Variants in CAMK2D observed in about 807,000 individuals in gnomAD.
CAMK2D encodes the protein calcium/calmodulin-dependent protein kinase type II subunit delta.
CAMK2D carries 37 observed loss-of-function variants against 84.0 expected under a neutral mutation model. That is an observed-to-expected ratio of 0.44 (90% confidence interval 0.34 to 0.58). CAMK2D has a LOEUF of 0.58. CAMK2D is among the 20% of genes least tolerant of loss of function. The pLI is 0.02. For synonymous variants in CAMK2D, 202 were observed against 212.5 expected (o/e 0.95, Z 0.43); for missense variants, 448 against 652.5 (o/e 0.69, Z 3.41).
chr4:113,707,489 G>T (rs2154352331), intron 2 of CAMK2D, among the ~76,000 whole-genome samples: 1 of 152,208 alleles, frequency 6.6e-6, no homozygotes, highest in Non-Finnish European at 1.5e-5. Flanking sequence ...TCAAGGCAAT[G>T]ACATATTTGG....
intron 2 of CAMK2D, among the ~76,000 whole-genome samples, chr4:113,743,095 G>A (rs1416718738): frequency 5.9e-5 from 9 of 152,100 alleles, no homozygotes; most frequent in African/African-American, 1.7e-4. Context: ...CATTCTGGCC[G>A]TTATTCCTAG....
At chr4:113,648,667 G>A (rs534539127) in intron 3 of CAMK2D, among the ~76,000 whole-genome samples, 2 of 152,310 alleles carry the variant, frequency 1.3e-5, no homozygotes, top group South Asian at 2.1e-4. Flanking sequence ...TGCTACAGAC[G>A]TTATGTTGCT....
At chr4:113,680,162 T>C (rs74688334) in intron 2 of CAMK2D, among the ~76,000 whole-genome samples, 1 of 152,192 alleles carries the variant, frequency 6.6e-6, no homozygotes, top group Non-Finnish European at 1.5e-5. Context: ...TTGTCATTGT[T>C]CAGATTCTAT....
At chr4:113,561,723 T>C (rs2098699660) in intron 4 of CAMK2D, among the ~76,000 whole-genome samples, 1 of 152,234 alleles carries the variant, frequency 6.6e-6, no homozygotes, top group Admixed American at 6.5e-5. Flanking sequence ...GAGATAGTAA[T>C]ACCATTTTTT....
chr4:113,539,630 G>T (rs17592337), intron 6 of CAMK2D, among the ~76,000 whole-genome samples: 9,315 of 152,174 alleles, frequency 0.061, 592 homozygotes, highest in East Asian at 0.21. Flanking sequence ...AACTAACGAA[G>T]ACCTCACTGT....
At chr4:113,558,199 T>G (rs747426130) in intron 4 of CAMK2D, among the ~76,000 whole-genome samples, 1 of 152,230 alleles carries the variant, frequency 6.6e-6, no homozygotes, top group Non-Finnish European at 1.5e-5. Flanking sequence ...ATACAAAAGT[T>G]CAGTTTTCAT....
intron 6 of CAMK2D, among the ~76,000 whole-genome samples, chr4:113,542,754 C>T (rs1463059004): frequency 6.6e-6 from 1 of 152,128 alleles, no homozygotes; most frequent in African/African-American, 2.4e-5. Context: ...TCTCATCTCC[C>T]CCCTTCCCTG....
At chr4:113,558,915 G>C (rs1319594976) in intron 4 of CAMK2D, among the ~76,000 whole-genome samples, 1 of 152,128 alleles carries the variant, frequency 6.6e-6, no homozygotes, top group East Asian at 1.9e-4. Flanking sequence ...CTGCGAGGCT[G>C]AGGCTGCAGA....
At chr4:113,621,793 G>T (rs1016943135) in intron 3 of CAMK2D, among the ~76,000 whole-genome samples, 2 of 152,108 alleles carry the variant, frequency 1.3e-5, no homozygotes, top group Admixed American at 1.3e-4. Flanking sequence ...CTGCATTCTG[G>T]ATTATTGGCT....
intron 16 of CAMK2D, among the ~76,000 whole-genome samples, chr4:113,488,197 A>G (rs937434048): frequency 4.6e-5 from 7 of 152,198 alleles, no homozygotes; most frequent in Admixed American, 4.6e-4. Flanking sequence ...GGAAAAAAAT[A>G]GATACATGAA....
intron 3 of CAMK2D, among the ~76,000 whole-genome samples, chr4:113,637,890 A>G (rs2099116212): frequency 6.6e-6 from 1 of 152,154 alleles, no homozygotes. Context: ...ATAAATACTA[A>G]ATCTTTATAC....
chr4:113,736,229 A>T (rs1046625192), intron 2 of CAMK2D, among the ~76,000 whole-genome samples: 2 of 151,884 alleles, frequency 1.3e-5, no homozygotes, highest in Non-Finnish European at 2.9e-5. Flanking sequence ...CAAGACATCC[A>T]ACTTACTCCA....
chr4:113,713,644 A>G (rs1022724252), intron 2 of CAMK2D, among the ~76,000 whole-genome samples: 1 of 150,922 alleles, frequency 6.6e-6, no homozygotes, highest in East Asian at 1.9e-4. Flanking sequence ...AACATTACTC[A>G]TATCATTGAA....
chr4:113,553,898 C>T (rs1447337380), intron 4 of CAMK2D, among the ~76,000 whole-genome samples: 5 of 152,148 alleles, frequency 3.3e-5, no homozygotes, highest in African/African-American at 4.8e-5. Flanking sequence ...TGTATAGTGA[C>T]GATAACAATT....
chr4:113,483,446 C>T (rs955103926), intron 16 of CAMK2D, among the ~76,000 whole-genome samples: 24 of 151,370 alleles, frequency 1.6e-4, no homozygotes, highest in East Asian at 1.9e-4. Flanking sequence ...GCTTTTGTCG[C>T]GCAGGCTGGA....
intron 7 of CAMK2D, among the ~76,000 whole-genome samples, chr4:113,531,740 C>T (rs936649220): frequency 4.6e-5 from 7 of 152,064 alleles, no homozygotes; most frequent in Admixed American, 3.9e-4. Context: ...TTGTAACTGG[C>T]AACTAAAGAG....
At position 113,453,237 on chromosome 4, in the gene CAMK2D, C is replaced by T. The variant is rs140599580; in HGVS notation, c.*1308G>A. The T allele has an allele frequency of 1.7e-4, 26 of 152,282 alleles. No individual in the cohort carries two copies. The highest frequency in any genetic ancestry group is 6.3e-4 in the African/African-American group (26 of 41,562). The allele number at this position is 152,282 out of a possible 1,614,324, so 9.4% of individuals were successfully genotyped here. The stretch of plus-strand genomic sequence containing the variant: ...TGATTCAAGAGAGAAGCTAAAAAAG[C>T]ACAAGTCACAAAGATCAAGTTCAAA... On this transcript the variant is annotated 3_prime_UTR_variant, in exon 21 of 21. Coordinates refer to ENST00000511664, the MANE Select transcript of CAMK2D (RefSeq NM_001321571.2).
intron 4 of CAMK2D, among the ~76,000 whole-genome samples, chr4:113,583,787 AT>A (rs777240627): frequency 2.0e-5 from 3 of 151,912 alleles, no homozygotes; most frequent in Admixed American, 1.3e-4. Flanking sequence ...CACACATGTA[AT>A]TTTTTTTTCT....
At chr4:113,509,887 T>TAAAG (rs1553919474) in intron 12 of CAMK2D, among the ~76,000 whole-genome samples, 4 of 152,352 alleles carry the variant, frequency 2.6e-5, no homozygotes, top group East Asian at 1.9e-4. Flanking sequence ...AATTTAGAAC[T>TAAAG]AAAGAGTAGT....
Sources: allele counts gnomAD v4.1 joint callset (sites outside exome capture counted in the v4.1 genomes callset), GRCh38; gene constraint gnomAD v4.1.1; transcripts MANE v1.5; gene names NCBI Gene and HGNC (gene_info 2026-07-23, HGNC 2026-07-21).